The following NEDD4 variants were observed in gnomAD, a reference collection of about 807,000 sequenced individuals.
NEDD4 encodes the protein NEDD4 E3 ubiquitin protein ligase.
In NEDD4, 99 loss-of-function variants were observed where a neutral mutation model predicts 144.9. The observed-to-expected ratio is 0.68, with a 90% CI of 0.58 to 0.81. The LOEUF is 0.81. Ranked by LOEUF, NEDD4 falls within the 30% of genes least tolerant of loss-of-function variation. The pLI, the probability that NEDD4 is intolerant of heterozygous loss-of-function variation, is 0.00. For synonymous variants in NEDD4, 318 were observed against 350.6 expected (o/e 0.91, Z 1.04); for missense variants, 985 against 1,065.9 (o/e 0.92, Z 1.06).
At chr15:55,922,685 T>C (rs1023446600) in intron 5 of NEDD4, among the ~76,000 whole-genome samples, 2 of 152,066 alleles carry the variant, frequency 1.3e-5, no homozygotes, top group Admixed American at 6.6e-5. Context: ...TTTGGGGATA[T>C]ATATACATGT....
Position 55,877,419 on chromosome 15 carries a change from C to G in NEDD4, c.292-3411G>C, listed in dbSNP as rs115920009. ...CCATAAAGGTGATGCTTGTGCCCTTCTCAGTGCATCATATCAGGAGGCACA... is the reference window on the plus strand; with the variant it reads ...CCATAAAGGTGATGCTTGTGCCCTTGTCAGTGCATCATATCAGGAGGCACA... On this transcript the variant is annotated intron_variant, in intron 5 of 28. Coordinates refer to ENST00000435532, the MANE Select transcript of NEDD4 (RefSeq NM_006154.4). Among the ~76,000 whole-genome samples, 996 of 152,262 alleles carry G rather than the reference C, an allele frequency of 6.5e-3. 10 individuals carry two copies. The highest frequency in any genetic ancestry group is 0.023 in the African/African-American group (957 of 41,556).
At chr15:55,853,129 A>G (rs531461054) in intron 12 of NEDD4, among the ~76,000 whole-genome samples, 1 of 152,196 alleles carries the variant, frequency 6.6e-6, no homozygotes, top group Non-Finnish European at 1.5e-5. Context: ...GCTTTAAAAC[A>G]AATTATATTT....
At position 55,828,442 on chromosome 15, in the gene NEDD4, TATAA is replaced by T. The variant is rs780868423; in HGVS notation, c.*1451_*1454del. 27 of 152,322 alleles carry T rather than the reference TATAA, an allele frequency of 1.8e-4. No individual in the cohort carries two copies. The highest frequency in any genetic ancestry group is 1.2e-3 in the South Asian group (6 of 4,828). 9.4% of individuals were successfully genotyped at this position (152,322 alleles called of 1,614,324 possible). On this transcript the variant is annotated 3_prime_UTR_variant, in exon 29 of 29. Transcript: ENST00000435532. The stretch of plus-strand genomic sequence containing the variant: ...AGGATGAAACAATATAAGTATGAAA[TATAA>T]ATACAGTCTTGGCACACTTTATCTT...
chr15:55,839,760 G>A lies in NEDD4; in HGVS notation c.2031+687C>T, dbSNP rs558008003. Among the ~76,000 whole-genome samples the A allele has an allele frequency of 2.3e-4, 35 of 151,570 alleles. No individual in the cohort carries two copies. The East Asian group carries it at 6.4e-3, about 28-fold the overall frequency. On this transcript the variant is annotated intron_variant, in intron 21 of 28. Coordinates refer to ENST00000435532, the MANE Select transcript of NEDD4 (RefSeq NM_006154.4). ...TGGGACGCTGAGGCAGGCGGATAAC[G>A]AGGTCAAAAGACTGAGACCATCCTG...
At chr15:55,854,636 A>G (rs1334744292) in intron 12 of NEDD4, among the ~76,000 whole-genome samples, 1 of 152,174 alleles carries the variant, frequency 6.6e-6, no homozygotes, top group Non-Finnish European at 1.5e-5. Context: ...GATTGAGGGA[A>G]CTTTTGGGGG....
At chr15:55,880,118 C>G (rs1348847832) in intron 5 of NEDD4, among the ~76,000 whole-genome samples, 2 of 151,976 alleles carry the variant, frequency 1.3e-5, no homozygotes, top group Non-Finnish European at 2.9e-5. Flanking sequence ...ATGGTGAAAC[C>G]CCATCTCTAC....
rs548955045 is a variant in NEDD4 at position 55,880,101 on chromosome 15, G to A, written c.292-6093C>T. Reference sequence around the variant, plus strand: ...GAGGTCAGGAGTTCGAGACCAGCCTGACCTACATGGTGAAACCCCATCTCT... The same window carrying A: ...GAGGTCAGGAGTTCGAGACCAGCCTAACCTACATGGTGAAACCCCATCTCT... On this transcript the variant is annotated intron_variant, in intron 5 of 28. Transcript: ENST00000435532. Among the ~76,000 whole-genome samples the A allele has an allele frequency of 2.0e-5, 3 of 152,254 alleles. No individual in the cohort carries two copies. The East Asian group carries it at 5.8e-4, about 29-fold the overall frequency.
At chr15:55,861,776 T>C (rs2034418324) in intron 9 of NEDD4, among the ~76,000 whole-genome samples, 1 of 152,182 alleles carries the variant, frequency 6.6e-6, no homozygotes, top group Non-Finnish European at 1.5e-5. Flanking sequence ...GTCTATCAGA[T>C]CAAGAATTTT....
intron 4 of NEDD4, among the ~76,000 whole-genome samples, chr15:55,937,272 T>C (rs2036912703): frequency 6.6e-6 from 1 of 152,208 alleles, no homozygotes; most frequent in South Asian, 2.1e-4. Context: ...TGCTGTAATA[T>C]GTTATCTCAA....
At chr15:55,848,694 A>G in intron 15 of NEDD4, 112 bp downstream of exon 15, 1 of 1,274,738 alleles carries the variant, frequency 7.8e-7, no homozygotes, top group Non-Finnish European at 1.1e-6. Flanking sequence ...CTTAGAAGGT[A>G]TCAACATTTT....
At chr15:55,874,144 T>A (rs2034908129) in intron 5 of NEDD4, 136 bp from the exon 6 acceptor site, 1 of 471,102 alleles carries the variant, frequency 2.1e-6, no homozygotes, top group Admixed American at 3.6e-5. Flanking sequence ...CAATGGAAAA[T>A]AAAAAGTAAT....
At chr15:55,926,102 T>C (rs1327610814) in intron 4 of NEDD4, among the ~76,000 whole-genome samples, 1 of 152,122 alleles carries the variant, frequency 6.6e-6, no homozygotes, top group Non-Finnish European at 1.5e-5. Context: ...TGTACATGTA[T>C]ATGATACATA....
At chr15:55,973,528 C>A (rs755612509) in intron 1 of NEDD4, among the ~76,000 whole-genome samples, 19 of 151,948 alleles carry the variant, frequency 1.3e-4, no homozygotes, top group Admixed American at 2.0e-4. Flanking sequence ...AACAGAGTAG[C>A]CCTGTCTTGA....
At position 55,951,395 on chromosome 15, in the gene NEDD4, T is replaced by A. The variant is rs1401702944; in HGVS notation, c.218A>T (p.Asn73Ile). Residue 73 changes from asparagine (N) to isoleucine (I), a missense_variant, in exon 4 of 29, where the codon AAT becomes ATT. Physicochemically the swap from Asn to Ile is moderately radical, Grantham distance 149. Transcript: ENST00000435532. ...ACTTACTCTGAATAATATTTCTTCATTCCACTTTGGATTCAAACTCTAAAA... is the reference window on the plus strand; with the variant it reads ...ACTTACTCTGAATAATATTTCTTCAATCCACTTTGGATTCAAACTCTAAAA... ...TIKKSLNPKW[N>I]EEILFRVHPQ... 3 of 1,004,024 alleles carry A rather than the reference T, an allele frequency of 3.0e-6. No individual in the cohort carries two copies. Among genetic ancestry groups the A allele is most frequent in the Non-Finnish European group, 4.4e-6 (3 of 686,214 alleles). The allele number at this position is 1,004,024 out of a possible 1,614,324, so 62.2% of individuals were successfully genotyped here.
At chr15:55,889,033 G>C (rs191473446) in intron 5 of NEDD4, among the ~76,000 whole-genome samples, 37 of 152,256 alleles carry the variant, frequency 2.4e-4, no homozygotes, top group African/African-American at 8.7e-4. Context: ...AGACATTGGA[G>C]AAGGCAAAGA....
chr15:55,951,615 A>G, intron 2 of NEDD4, 26 bp from the exon 3 acceptor site: 1 of 1,439,878 alleles, frequency 6.9e-7, no homozygotes. Context: ...AAAAAAAGAA[A>G]GAAAAATTTT....
intron 5 of NEDD4, among the ~76,000 whole-genome samples, chr15:55,921,555 C>T (rs1055668512): frequency 4.6e-5 from 7 of 152,190 alleles, no homozygotes; most frequent in Middle Eastern, 3.4e-3. Flanking sequence ...GAACTCCTGA[C>T]ATCAGGTGTT....
chr15:55,919,996 A>T (rs1177828014), intron 5 of NEDD4, among the ~76,000 whole-genome samples: 1 of 152,190 alleles, frequency 6.6e-6, no homozygotes, highest in African/African-American at 2.4e-5. Flanking sequence ...CTCTGAGTAG[A>T]GCACATTACC....
chr15:55,871,023 T>C (rs1470013243), intron 7 of NEDD4, among the ~76,000 whole-genome samples: 1 of 152,156 alleles, frequency 6.6e-6, no homozygotes, highest in African/African-American at 2.4e-5. Context: ...AGAGATTACC[T>C]ACCCCCACTC....
Sources: gnomAD v4.1 joint callset for allele counts (sites outside exome capture counted in the v4.1 genomes callset) on GRCh38, gnomAD v4.1.1 for gene constraint, MANE v1.5 for transcripts, NCBI Gene and HGNC (gene_info 2026-07-23, HGNC 2026-07-21) for gene names.